The following STARD7 variants were observed in gnomAD, a reference collection of about 807,000 sequenced individuals.
STARD7 encodes the protein stAR-related lipid transfer protein 7, mitochondrial.
A neutral mutation model predicts 45.3 loss-of-function variants in STARD7; 30 were observed. The observed-to-expected ratio is 0.66, with a 90% confidence interval of 0.50 to 0.90. The LOEUF (loss-of-function observed/expected upper bound fraction) is 0.90, where lower values mean the gene tolerates loss of function less well. Among genes scored for constraint, STARD7 ranks in the 40% least tolerant of loss-of-function variants. The probability of loss-of-function intolerance (pLI) is 0.00; values close to 1 mark genes in which losing one functional copy is unlikely to be tolerated. For missense variants in STARD7, 495 were observed against 491.3 expected (o/e 1.01, Z -0.07); for synonymous variants, 199 against 183.0 (o/e 1.09, Z -0.70).
At chr2:96,199,991 G>A (rs377080751) in intron 1 of STARD7, among the ~76,000 whole-genome samples, 24 of 152,078 alleles carry the variant, frequency 1.6e-4, no homozygotes, top group African/African-American at 3.1e-4. Context: ...CGACCTTGCC[G>A]TTCCTTAAAT....
intron 1 of STARD7, among the ~76,000 whole-genome samples, chr2:96,200,164 C>G (rs1683282983): frequency 6.6e-6 from 1 of 152,130 alleles, no homozygotes; most frequent in South Asian, 2.1e-4. Flanking sequence ...GCCTTAACTC[C>G]CCAAGCTCAG....
In STARD7 at chr2:96,208,695, C is replaced by A; in HGVS notation, c.-261G>T. On this transcript the variant is annotated 5_prime_UTR_variant, in exon 1 of 8. Coordinates refer to ENST00000337288, the MANE Select transcript of STARD7 (RefSeq NM_020151.4). ...GGCACTCCTGGGCCCGGGCAGCAGA[C>A]CAGTCAGCCCTGTGGCTCCTCGGCG... 1 of 429,164 alleles carries A rather than the reference C, an allele frequency of 2.3e-6. No homozygotes were observed. The highest frequency in any genetic ancestry group is 4.1e-6 in the Non-Finnish European group (1 of 244,234). The allele number at this position is 429,164 out of a possible 1,614,324, so 26.6% of individuals were successfully genotyped here. A position where few individuals can be genotyped will look rare whatever the true frequency, so the allele number is the denominator to read the frequency against.
intron 1 of STARD7, among the ~76,000 whole-genome samples, chr2:96,196,459 C>CT (rs1330567428): frequency 2.6e-5 from 4 of 151,890 alleles, no homozygotes; most frequent in Non-Finnish European, 5.9e-5. Context: ...GACTCTGTCT[C>CT]TTTTTTTTGT....
In STARD7 at chr2:96,208,474, A is replaced by C; in HGVS notation, c.-40T>G. 2 of 1,358,108 alleles carry C rather than the reference A, an allele frequency of 1.5e-6. No homozygotes were observed. The highest frequency in any genetic ancestry group is 1.9e-6 in the Non-Finnish European group (2 of 1,064,764). The allele number at this position is 1,358,108 out of a possible 1,614,324, so 84.1% of individuals were successfully genotyped here. A position where few individuals can be genotyped will look rare whatever the true frequency, so the allele number is the denominator to read the frequency against. ...GGCCCGCCGCGAGCTTCCGGGGCCC[A>C]AGGAACCAGTCCGGAGGGGCGCAGG... On this transcript the variant is annotated 5_prime_UTR_variant, in exon 1 of 8. Coordinates refer to ENST00000337288, the MANE Select transcript of STARD7 (RefSeq NM_020151.4).
rs1256566081 is a variant in STARD7, at chr2:96,206,212, C to T, written c.290+1933G>A. On this transcript the variant is annotated intron_variant, in intron 1 of 7. Coordinates refer to ENST00000337288, the MANE Select transcript of STARD7 (RefSeq NM_020151.4). ...CCTATCTTTTTTCCCCACTAACTCC[C>T]CACTAACTCTGTTTAGCACTGCTAA... Among the ~76,000 whole-genome samples the T allele has an allele frequency of 2.0e-5, 3 of 152,114 alleles. No homozygotes were observed. The East Asian group carries it at 5.8e-4, about 29-fold the overall frequency.
intron 1 of STARD7, among the ~76,000 whole-genome samples, chr2:96,197,282 G>A (rs1351603929): frequency 1.3e-5 from 2 of 151,516 alleles, no homozygotes; most frequent in East Asian, 1.9e-4. Context: ...GTGGACGCCT[G>A]TAATCCCAGC....
At chr2:96,207,337 G>A (rs1388465069) in intron 1 of STARD7, among the ~76,000 whole-genome samples, 3 of 152,196 alleles carry the variant, frequency 2.0e-5, no homozygotes, top group Non-Finnish European at 4.4e-5. Context: ...CCGAAATCAC[G>A]GCAAAGTACT....
chr2:96,200,944 A>T (rs1484481703), intron 1 of STARD7, among the ~76,000 whole-genome samples: 1 of 152,242 alleles, frequency 6.6e-6, no homozygotes, highest in Non-Finnish European at 1.5e-5. Context: ...GACCCAAATT[A>T]CTGCTACACT....
intron 1 of STARD7, among the ~76,000 whole-genome samples, chr2:96,207,131 A>G (rs1683405377): frequency 6.6e-6 from 1 of 152,248 alleles, no homozygotes; most frequent in Non-Finnish European, 1.5e-5. Flanking sequence ...CCCACAATTC[A>G]TAGTGTGGCA....
intron 5 of STARD7, 72 bp from the exon 6 acceptor site, chr2:96,192,540 G>A: frequency 8.6e-7 from 1 of 1,165,158 alleles, no homozygotes. Context: ...GCTAAGTTAA[G>A]GGGAAGGCCT....
At position 96,186,843 on chromosome 2, in the gene STARD7, C is replaced by T. The variant is rs775418070; in HGVS notation, c.1000G>A (p.Asp334Asn). The T allele has an allele frequency of 6.2e-7, 1 of 1,613,926 alleles. No individual in the cohort carries two copies. Among genetic ancestry groups the T allele is most frequent in the South Asian group, 1.1e-5 (1 of 91,072 alleles). ...TCCAGAGGCTTAGCTGAGATGTAGT[C>T]CTTTACTTTAATCTCCATATTCTTG... is the stretch of plus-strand genomic sequence containing the variant. ...KAKNMEIKVK[D>N]YISAKPLEMS... The change falls in exon 8 of 8, where the codon GAC becomes AAC. Residue 334 changes from aspartate (D) to asparagine (N), a missense_variant. By Grantham distance (23) the Asp-to-Asn change is conservative. Transcript: ENST00000337288.
chr2:96,200,296 G>GT (rs1426253814), intron 1 of STARD7, among the ~76,000 whole-genome samples: 3 of 152,166 alleles, frequency 2.0e-5, no homozygotes, highest in Non-Finnish European at 4.4e-5. Context: ...CCAGGCTGGT[G>GT]TTGAACTCCT....
In STARD7 at chr2:96,186,504, G is replaced by A. The variant is rs1248407729; in HGVS notation, c.*226C>T. On this transcript the variant is annotated 3_prime_UTR_variant, in exon 8 of 8. Coordinates refer to ENST00000337288, the MANE Select transcript of STARD7 (RefSeq NM_020151.4). ...CAGTGAGATACCGAATTTCAAAACA[G>A]TTGGCCTGAGAATATGACAACACTC... 4.9e-6 allele frequency: 2 copies of A among 407,038 alleles called. No homozygotes were observed. The highest frequency in any genetic ancestry group is 4.4e-5 in the Admixed American group (1 of 22,764). 25.2% of individuals were successfully genotyped at this position (407,038 alleles called of 1,614,324 possible).
intron 1 of STARD7, among the ~76,000 whole-genome samples, chr2:96,200,391 T>C (rs1683286577): frequency 6.6e-6 from 1 of 152,126 alleles, no homozygotes; most frequent in African/African-American, 2.4e-5. Flanking sequence ...TTTTAAAACA[T>C]GAAAAACACC....
At chr2:96,192,807 C>T (rs1179113288) in intron 5 of STARD7, among the ~76,000 whole-genome samples, 3 of 152,118 alleles carry the variant, frequency 2.0e-5, no homozygotes, top group Non-Finnish European at 2.9e-5. Context: ...TGGTAATTTA[C>T]GGCTCACTAG....
Position 96,185,869 on chromosome 2 carries a change from A to T in STARD7, c.*861T>A, listed in dbSNP as rs1192097152. The T allele has an allele frequency of 6.6e-6, 1 of 152,252 alleles. No homozygotes were observed. The highest frequency in any genetic ancestry group is 1.5e-5 in the Non-Finnish European group (1 of 68,052). 9.4% of individuals were successfully genotyped at this position (152,252 alleles called of 1,614,324 possible). ...TCCTATTTGACACAAAAGTTAAAAA[A>T]TTTTTAAACTAAATTTAAATGTGAT... On this transcript the variant is annotated 3_prime_UTR_variant, in exon 8 of 8. Coordinates refer to ENST00000337288, the MANE Select transcript of STARD7 (RefSeq NM_020151.4).
chr2:96,196,323 G>A (rs751820541), intron 1 of STARD7, among the ~76,000 whole-genome samples: 16 of 152,138 alleles, frequency 1.1e-4, no homozygotes, highest in Non-Finnish European at 5.9e-5. Context: ...AAATTAGCCA[G>A]GCATAGTGGC....
chr2:96,206,147 G>A (rs1683385241), intron 1 of STARD7, among the ~76,000 whole-genome samples: 1 of 152,162 alleles, frequency 6.6e-6, no homozygotes, highest in Non-Finnish European at 1.5e-5. Flanking sequence ...TCTCTGCCAT[G>A]ATAAATACTG....
intron 1 of STARD7, among the ~76,000 whole-genome samples, chr2:96,204,749 C>CAAAAAAAAAA (rs397959036): frequency 7.3e-5 from 7 of 96,150 alleles, no homozygotes; most frequent in African/African-American, 1.2e-4. Context: ...TGACAATGGC[C>CAAAAAAAAAA]AAAAAAAAAA....
Sources: allele counts gnomAD v4.1 joint callset (sites outside exome capture counted in the v4.1 genomes callset), GRCh38; gene constraint gnomAD v4.1.1; transcripts MANE v1.5; gene names NCBI Gene and HGNC (gene_info 2026-07-23, HGNC 2026-07-21).